LAMB1: variants seen among roughly 807,000 people sequenced by gnomAD.
LAMB1 encodes laminin subunit beta-1.
In LAMB1, 121 loss-of-function variants were observed where a neutral mutation model predicts 222.3. The observed-to-expected ratio is 0.54, with a 90% confidence interval of 0.47 to 0.63. The LOEUF (loss-of-function observed/expected upper bound fraction) is 0.63, where lower values mean the gene tolerates loss of function less well. LAMB1 is among the 30% of genes least tolerant of loss of function. The pLI is 0.00. For synonymous variants in LAMB1, 794 were observed against 807.2 expected (o/e 0.98, Z 0.28); for missense variants, 2,172 against 2,240.8 (o/e 0.97, Z 0.62).
chr7:107,937,049 G>C, intron 26 of LAMB1, 44 bp downstream of exon 26: 4 of 1,510,494 alleles, frequency 2.6e-6, no homozygotes, highest in Non-Finnish European at 3.7e-6. Context: ...TAGACATATC[G>C]TTAAATCCAT....
At chr7:107,935,788 T>C in intron 26 of LAMB1, 132 bp from the exon 27 acceptor site, 1 of 1,019,620 alleles carries the variant, frequency 9.8e-7, no homozygotes, top group South Asian at 1.7e-5. Context: ...AAAATATTTA[T>C]GAAGTACAGT....
rs1034704613 is a variant in LAMB1, at chr7:107,961,118, C to G, written c.2109+88G>C. On this transcript the variant is annotated intron_variant, in intron 17 of 33. Coordinates refer to ENST00000222399, the MANE Select transcript of LAMB1 (RefSeq NM_002291.3). ...ATGATTCTGCTTACGCTGGCCTCAG[C>G]ATTACCCCTCAACAAAACACCCTGA... 52 of 1,498,044 alleles carry G rather than the reference C, an allele frequency of 3.5e-5. No homozygotes were observed. The African/African-American group carries it at 5.7e-4, about 16-fold the overall frequency. The allele number at this position is 1,498,044 out of a possible 1,614,324, so 92.8% of individuals were successfully genotyped here.
chr7:107,965,587 A>G (rs2033617562), intron 13 of LAMB1, among the ~76,000 whole-genome samples: 1 of 152,032 alleles, frequency 6.6e-6, no homozygotes, highest in Non-Finnish European at 1.5e-5. Flanking sequence ...TTCTCAGCTT[A>G]TGTCCCTTTT....
At position 107,937,106 on chromosome 7, in the gene LAMB1, G is replaced by A. The variant is rs745747136; in HGVS notation, c.3933C>T (p.Asn1311=). The A allele has an allele frequency of 8.7e-6, 14 of 1,613,696 alleles. No individual in the cohort carries two copies. Among genetic ancestry groups the A allele is most frequent in the East Asian group, 2.2e-5 (1 of 44,872 alleles). ...ELAEQLEFIK[N]SDIRGALDSI... The stretch of plus-strand genomic sequence containing the variant: ...AAAAATGCTCACCCCGAATATCTGA[G>A]TTTTTGATAAATTCCAGTTGTTCAG... The change falls in exon 26 of 34, where the codon AAC becomes AAT. Residue 1311 remains asparagine (N), a synonymous_variant. Coordinates refer to ENST00000222399, the MANE Select transcript of LAMB1 (RefSeq NM_002291.3).
chr7:107,924,022 G>GTCTT lies in LAMB1; in HGVS notation c.5286_5289dup (p.Leu1764LysfsTer21). On this transcript the variant is annotated frameshift_variant, in exon 34 of 34. Transcript: ENST00000222399. LOFTEE classifies it high-confidence loss of function. Reference sequence around the variant, plus strand: ...AGGAGTGAACGGACTTCTCCTTCCAGTCTTGCTAATTCTTGAGCTTTATCT... The same window carrying GTCTT: ...AGGAGTGAACGGACTTCTCCTTCCAGTCTTTCTTGCTAATTCTTGAGCTTTATCT... The GTCTT allele has an allele frequency of 6.3e-7, 1 of 1,595,510 alleles. No individual in the cohort carries two copies. The highest frequency in any genetic ancestry group is 8.5e-7 in the Non-Finnish European group (1 of 1,175,496).
In LAMB1 at chr7:107,933,843, G is replaced by C. The variant is rs138669625; in HGVS notation, c.4189-1466C>G. Reference sequence around the variant, plus strand: ...CAAGCACAGGGAAGGGCACACATTTGAAAGGCCAGAGGAACCCCGAACCCC... The same window carrying C: ...CAAGCACAGGGAAGGGCACACATTTCAAAGGCCAGAGGAACCCCGAACCCC... On this transcript the variant is annotated intron_variant, in intron 27 of 33. Coordinates refer to ENST00000222399, the MANE Select transcript of LAMB1 (RefSeq NM_002291.3). Among the ~76,000 whole-genome samples the C allele has an allele frequency of 2.7e-3, 412 of 152,266 alleles. 5 individuals are homozygous for C. The highest frequency in any genetic ancestry group is 8.8e-3 in the African/African-American group (365 of 41,546).
chr7:107,997,150 G>A (rs985090135), intron 4 of LAMB1, among the ~76,000 whole-genome samples: 9 of 152,278 alleles, frequency 5.9e-5, no homozygotes, highest in African/African-American at 1.2e-4. Flanking sequence ...ATGGCTGGGC[G>A]TGGTGGTTCA....
chr7:107,977,080 T>A (rs77048898), intron 9 of LAMB1, among the ~76,000 whole-genome samples: 1 of 77,676 alleles, frequency 1.3e-5, no homozygotes, highest in Non-Finnish European at 3.0e-5. Flanking sequence ...CTTTCCTCTC[T>A]CTCCTTCCTT....
In LAMB1 at chr7:107,926,307, C is replaced by T. The variant is rs536443841; in HGVS notation, c.4940G>A (p.Arg1647His). ...CACATTCCTCTCTAACTCGCTGATG[C>T]GCTGGGACGCGTTGAACAAGGTTTC... ...SEETLFNASQ[R>H]ISELERNVEE... The change falls in exon 32 of 34, where the codon CGC becomes CAC. Residue 1647 changes from arginine (R) to histidine (H), a missense_variant. Arg to His is a conservative substitution (Grantham distance 29). Coordinates refer to ENST00000222399, the MANE Select transcript of LAMB1 (RefSeq NM_002291.3). The T allele has an allele frequency of 4.3e-5, 70 of 1,613,906 alleles. No individual in the cohort carries two copies. The South Asian group carries it at 7.6e-4, about 17-fold the overall frequency.
rs2034071275 is a variant in LAMB1 at position 107,986,080 on chromosome 7, T to TCTAA, written c.617_618insTTAG (p.Phe207Ter). On this transcript the variant is annotated stop_gained and frameshift_variant, in exon 7 of 34. Transcript: ENST00000222399. LOFTEE classifies it high-confidence loss of function. ...TGAAAGCAGGATCTAAAGCACGAAA[T>TCTAA]ATCACCTAAAAATGGAAACAAGAGT... 2 of 1,612,440 alleles carry TCTAA rather than the reference T, an allele frequency of 1.2e-6. No individual in the cohort carries two copies. Among genetic ancestry groups the TCTAA allele is most frequent in the Non-Finnish European group, 1.7e-6 (2 of 1,178,584 alleles).
chr7:107,956,771 G>A (rs1335424297), intron 20 of LAMB1, among the ~76,000 whole-genome samples: 7 of 152,150 alleles, frequency 4.6e-5, no homozygotes, highest in Non-Finnish European at 8.8e-5. Flanking sequence ...CAGCTGTGTA[G>A]CCCCTGTGTT....
rs1316110906 is a variant in LAMB1 at position 107,961,695 on chromosome 7, A to C, written c.1858-19T>G. On this transcript the variant is annotated intron_variant, in intron 15 of 33. Coordinates refer to ENST00000222399, the MANE Select transcript of LAMB1 (RefSeq NM_002291.3). ...CGGGTAGCTAGAATAAGAAACAAAC[A>C]ATGAAAAGATAGTTAGCCCACCACT... The C allele has an allele frequency of 6.2e-7, 1 of 1,607,742 alleles. No individual in the cohort carries two copies. The highest frequency in any genetic ancestry group is 1.7e-5 in the Admixed American group (1 of 59,814).
At chr7:107,928,005 A>G (rs1313514260) in intron 31 of LAMB1, among the ~76,000 whole-genome samples, 4 of 152,244 alleles carry the variant, frequency 2.6e-5, no homozygotes, top group Admixed American at 6.5e-5. Context: ...GAGAACCTGT[A>G]TAGGGATTAG....
intron 27 of LAMB1, among the ~76,000 whole-genome samples, chr7:107,935,009 G>A (rs1332192902): frequency 6.6e-6 from 1 of 151,888 alleles, no homozygotes; most frequent in African/African-American, 2.4e-5. Flanking sequence ...TGGAGACCCG[G>A]AGTTCAAGAC....
chr7:107,939,042 A>G (rs2032915649), intron 25 of LAMB1, among the ~76,000 whole-genome samples: 1 of 152,158 alleles, frequency 6.6e-6, no homozygotes, highest in African/African-American at 2.4e-5. Context: ...TTCGTCATAT[A>G]AACACCTCAG....
intron 5 of LAMB1, among the ~76,000 whole-genome samples, chr7:107,993,667 T>C (rs1188404217): frequency 6.6e-6 from 1 of 152,230 alleles, no homozygotes; most frequent in Admixed American, 6.5e-5. Context: ...AAAGATGATT[T>C]TGAGTATTCT....
At chr7:107,927,831 C>T (rs2032600773) in intron 31 of LAMB1, among the ~76,000 whole-genome samples, 1 of 152,148 alleles carries the variant, frequency 6.6e-6, no homozygotes, top group South Asian at 2.1e-4. Flanking sequence ...TATTGGCCTT[C>T]ATTTAACTGA....
At chr7:107,956,500 T>C (rs1380372152) in intron 20 of LAMB1, among the ~76,000 whole-genome samples, 1 of 152,234 alleles carries the variant, frequency 6.6e-6, no homozygotes, top group Non-Finnish European at 1.5e-5. Context: ...CCTCACTCAC[T>C]GCTCCCCAGA....
At chr7:107,936,084 C>T (rs1321625466) in intron 26 of LAMB1, among the ~76,000 whole-genome samples, 1 of 152,152 alleles carries the variant, frequency 6.6e-6, no homozygotes, top group Non-Finnish European at 1.5e-5. Context: ...GGATGGAAAG[C>T]ATTTGGAAAA....
Sources: gnomAD v4.1 joint callset for allele counts (sites outside exome capture counted in the v4.1 genomes callset) on GRCh38, gnomAD v4.1.1 for gene constraint, MANE v1.5 for transcripts, NCBI Gene and HGNC (gene_info 2026-07-23, HGNC 2026-07-21) for gene names.